The following IKBKB variants were observed in gnomAD, a reference collection of about 807,000 sequenced individuals.
IKBKB encodes the protein inhibitor of nuclear factor kappa B kinase subunit beta.
In IKBKB, 42 loss-of-function variants were observed where a neutral mutation model predicts 113.6. The ratio of observed to expected loss-of-function variants is 0.37; its 90% CI spans 0.29 to 0.48. IKBKB has a LOEUF of 0.48. Among genes scored for constraint, IKBKB ranks in the 20% least tolerant of loss-of-function variants. IKBKB has a pLI of 0.99. For synonymous variants in IKBKB, 296 were observed against 361.3 expected (o/e 0.82, Z 2.05); for missense variants, 673 against 939.7 (o/e 0.72, Z 3.71).
intron 2 of IKBKB, among the ~76,000 whole-genome samples, chr8:42,284,387 C>T (rs1728692836): frequency 6.6e-6 from 1 of 152,064 alleles, no homozygotes; most frequent in African/African-American, 2.4e-5. Flanking sequence ...TGGAGACCAT[C>T]GTGGCTAACA....
Position 42,287,227 on chromosome 8 carries a change from C to T in IKBKB, c.106-1407C>T, listed in dbSNP as rs544060218. 1.1e-4 allele frequency among the ~76,000 whole-genome samples: 17 copies of T among 152,310 alleles called. No homozygotes were observed. The South Asian group carries it at 3.1e-3, about 28-fold the overall frequency. On this transcript the variant is annotated intron_variant, in intron 2 of 21. Coordinates refer to ENST00000520810, the MANE Select transcript of IKBKB (RefSeq NM_001556.3). ...ATGCACCAGGGAGAAGAGGGGAGGC[C>T]GCCAGGAGCCAGTGGCTCAGCTCAT... is the stretch of plus-strand genomic sequence containing the variant.
intron 19 of IKBKB, chr8:42,325,113 G>A: frequency 1.9e-6 from 1 of 532,736 alleles, no homozygotes; most frequent in Non-Finnish European, 2.4e-6. Context: ...GTGGGTTGGG[G>A]ACCATGCAGG....
At chr8:42,284,378 G>A (rs1810962321) in intron 2 of IKBKB, among the ~76,000 whole-genome samples, 1 of 151,966 alleles carries the variant, frequency 6.6e-6, no homozygotes. Context: ...GTCAGGAGAT[G>A]GAGACCATCG....
rs778958313 is a variant in IKBKB, at chr8:42,322,094, G to C, written c.1779G>C (p.Leu593=). The C allele has an allele frequency of 1.2e-6, 2 of 1,613,850 alleles. No individual in the cohort carries two copies. Among genetic ancestry groups the C allele is most frequent in the Admixed American group, 1.7e-5 (1 of 59,984 alleles). The stretch of plus-strand genomic sequence containing the variant: ...GTGACAGTCAGGAAATGGTACGGCT[G>C]CTGCTTCAGGCAATTCAGAGCTTCG... The part of the protein sequence containing the change: ...TEGDSQEMVR[L]LLQAIQSFEK... Residue 593 remains leucine, a synonymous_variant, in exon 18 of 22, where the codon CTG becomes CTC. Transcript: ENST00000520810.
intron 21 of IKBKB, 122 bp from the exon 22 acceptor site, chr8:42,330,792 G>A: frequency 1.3e-6 from 2 of 1,531,102 alleles, no homozygotes; most frequent in Non-Finnish European, 1.8e-6. Flanking sequence ...ATAGGCATGA[G>A]CCACTGTGCC....
rs1585848570 is a variant in IKBKB at position 42,331,055 on chromosome 8, C to T, written c.*76C>T. The T allele has an allele frequency of 6.3e-7, 1 of 1,589,708 alleles. No homozygotes were observed. The highest frequency in any genetic ancestry group is 1.9e-4 in the Middle Eastern group (1 of 5,314). On this transcript the variant is annotated 3_prime_UTR_variant, in exon 22 of 22. Coordinates refer to ENST00000520810, the MANE Select transcript of IKBKB (RefSeq NM_001556.3). Reference sequence around the variant, plus strand: ...GCAGTGGGGGGACTCGACCCCCTGACATGGGGCTGCCTGGAGCAGGCCGCG... The same window carrying T: ...GCAGTGGGGGGACTCGACCCCCTGATATGGGGCTGCCTGGAGCAGGCCGCG...
chr8:42,273,875 A>G (rs891389463), intron 2 of IKBKB, among the ~76,000 whole-genome samples: 9 of 152,230 alleles, frequency 5.9e-5, no homozygotes, highest in Admixed American at 1.3e-4. Flanking sequence ...TAATTGACAC[A>G]TAATAATTGT....
At chr8:42,281,852 C>T (rs1334648354) in intron 2 of IKBKB, among the ~76,000 whole-genome samples, 1 of 152,138 alleles carries the variant, frequency 6.6e-6, no homozygotes, top group Non-Finnish European at 1.5e-5. Flanking sequence ...GGGCTTTCTG[C>T]GCTAAGGGTC....
In IKBKB at chr8:42,305,228, C is replaced by A. The variant is rs747327806; in HGVS notation, c.430C>A (p.Arg144=). The A allele has an allele frequency of 6.2e-7, 1 of 1,613,896 alleles. No homozygotes were observed. Among genetic ancestry groups the A allele is most frequent in the East Asian group, 2.2e-5 (1 of 44,872 alleles). Residue 144 remains arginine, a synonymous_variant, in exon 6 of 22, where the codon CGG becomes AGG. Transcript: ENST00000520810. ...RYLHENRIIH[R]DLKPENIVLQ... The stretch of plus-strand genomic sequence containing the variant: ...CCTTCATGAAAACAGAATCATCCAT[C>A]GGGATCTAAAGCCAGAAAACATCGT...
chr8:42,297,236 T>C (rs1237101402), intron 5 of IKBKB, among the ~76,000 whole-genome samples: 1 of 152,270 alleles, frequency 6.6e-6, no homozygotes, highest in African/African-American at 2.4e-5. Flanking sequence ...ATTAAATTTC[T>C]TTTTGCAAGG....
intron 2 of IKBKB, 116 bp downstream of exon 2, chr8:42,272,321 A>G: frequency 7.1e-7 from 1 of 1,402,824 alleles, no homozygotes; most frequent in Non-Finnish European, 9.9e-7. Flanking sequence ...TCATCTTGGG[A>G]CAGTGAATAG....
At chr8:42,301,793 G>A (rs940208603) in intron 5 of IKBKB, among the ~76,000 whole-genome samples, 1 of 152,170 alleles carries the variant, frequency 6.6e-6, no homozygotes, top group African/African-American at 2.4e-5. Context: ...GGCGTAGAGA[G>A]CGGTGCCTTT....
chr8:42,290,574 G>GGT (rs931285726), intron 4 of IKBKB, among the ~76,000 whole-genome samples: 3 of 152,168 alleles, frequency 2.0e-5, no homozygotes, highest in African/African-American at 7.2e-5. Context: ...GGAAGGACTG[G>GGT]GCAAGTTCCA....
At chr8:42,282,412 G>T (rs571041682) in intron 2 of IKBKB, among the ~76,000 whole-genome samples, 5 of 152,238 alleles carry the variant, frequency 3.3e-5, no homozygotes, top group Admixed American at 2.0e-4. Context: ...TTGCCATATT[G>T]CCCAGGCTGG....
At chr8:42,281,698 C>A (rs1004617132) in intron 2 of IKBKB, among the ~76,000 whole-genome samples, 1 of 152,200 alleles carries the variant, frequency 6.6e-6, no homozygotes, top group African/African-American at 2.4e-5. Context: ...TCCTCCTGCC[C>A]AGTCTCTCTG....
intron 5 of IKBKB, among the ~76,000 whole-genome samples, chr8:42,302,811 A>T (rs1317517459): frequency 6.6e-6 from 1 of 151,942 alleles, no homozygotes; most frequent in East Asian, 1.9e-4. Context: ...AGAGATACTC[A>T]TCATGTATAG....
intron 15 of IKBKB, chr8:42,319,854 T>G (rs1819434888): frequency 1.9e-6 from 1 of 536,534 alleles, no homozygotes; most frequent in Admixed American, 3.7e-5. Flanking sequence ...AAGAGCTGCA[T>G]GAATGGACAG....
intron 5 of IKBKB, chr8:42,298,106 G>A: frequency 1.0e-6 from 1 of 985,374 alleles, no homozygotes; most frequent in Non-Finnish European, 1.2e-6. Flanking sequence ...TATTTAAACA[G>A]TCTTGCTCAT....
intron 19 of IKBKB, among the ~76,000 whole-genome samples, chr8:42,323,822 G>A (rs1480129185): frequency 1.3e-5 from 2 of 152,178 alleles, no homozygotes; most frequent in Non-Finnish European, 1.5e-5. Context: ...GGTATGCGCA[G>A]GTGATAGCCT....
Sources: gnomAD v4.1 joint callset for allele counts (sites outside exome capture counted in the v4.1 genomes callset) on GRCh38, gnomAD v4.1.1 for gene constraint, MANE v1.5 for transcripts, NCBI Gene and HGNC (gene_info 2026-07-23, HGNC 2026-07-21) for gene names.